TTF2: variants seen among roughly 807,000 people sequenced by gnomAD.
The protein encoded by TTF2 is RNA polymerase II termination factor.
In TTF2, 108 loss-of-function variants were observed where a neutral mutation model predicts 142.4. The observed-to-expected ratio is 0.76, with a 90% confidence interval of 0.65 to 0.89. The LOEUF is 0.89. Among genes scored for constraint, TTF2 ranks in the 40% least tolerant of loss-of-function variants. The pLI is 0.00. For synonymous variants in TTF2, 483 were observed against 506.2 expected, an observed-to-expected ratio of 0.95 and a Z score of 0.61; for missense variants, 1,327 against 1,379.8, an observed-to-expected ratio of 0.96 and a Z score of 0.61.
rs754753570 is a variant in TTF2 at position 117,090,289 on chromosome 1, T to C, written c.2496+81T>C. On this transcript the variant is annotated intron_variant, in intron 14 of 22. Coordinates refer to ENST00000369466, the MANE Select transcript of TTF2 (RefSeq NM_003594.4). The surrounding 1 kb of genome is among the most constrained non-coding windows in gnomAD (Gnocchi z 4.8). ...CCTTGTCTTGGGTTGAACAGCCATCTGCTTTGCTTCAGGAGCCTCTGAGTT... is the reference window on the plus strand; with the variant it reads ...CCTTGTCTTGGGTTGAACAGCCATCCGCTTTGCTTCAGGAGCCTCTGAGTT... 85 of 1,541,884 alleles carry C rather than the reference T, an allele frequency of 5.5e-5. 1 individual carries two copies. The highest frequency in any genetic ancestry group is 7.3e-5 in the Non-Finnish European group (84 of 1,144,628).
At position 117,090,249 on chromosome 1, in the gene TTF2, G is replaced by C; in HGVS notation, c.2496+41G>C. The C allele has an allele frequency of 6.3e-7, 1 of 1,598,912 alleles. No individual in the cohort carries two copies. Among genetic ancestry groups the C allele is most frequent in the Non-Finnish European group, 8.5e-7 (1 of 1,172,414 alleles). On this transcript the variant is annotated intron_variant, in intron 14 of 22. Coordinates refer to ENST00000369466, the MANE Select transcript of TTF2 (RefSeq NM_003594.4). This position sits in a 1 kb window ranked among gnomAD's most constrained non-coding sequence, Gnocchi z 4.8. The stretch of plus-strand genomic sequence containing the variant: ...CCTGTCCCTGGGGGAGGCCAGGGAA[G>C]GAACATGACTGTGTCCTTGTCTTGG...
rs1648468978 is a variant in TTF2, at chr1:117,090,474, C to T, written c.2497-58C>T. The T allele has an allele frequency of 2.0e-6, 3 of 1,502,514 alleles. No homozygotes were observed. The Admixed American group carries it at 5.5e-5, about 27-fold the overall frequency. 93.1% of individuals were successfully genotyped at this position (1,502,514 alleles called of 1,614,324 possible). Reference sequence around the variant, plus strand: ...GCAGTGTCAGTATGGGGAATTTGTTCTATAATAGGCAGTTAATTTGTATAG... The same window carrying T: ...GCAGTGTCAGTATGGGGAATTTGTTTTATAATAGGCAGTTAATTTGTATAG... On this transcript the variant is annotated intron_variant, in intron 14 of 22. Transcript: ENST00000369466. This position sits in a 1 kb window ranked among gnomAD's most constrained non-coding sequence, Gnocchi z 4.8.
Position 117,086,328 on chromosome 1 carries a change from A to T in TTF2, c.2055-89A>T. On this transcript the variant is annotated intron_variant, in intron 11 of 22. Transcript: ENST00000369466. The surrounding 1 kb of genome is among the most constrained non-coding windows in gnomAD (Gnocchi z 4.2). ...TTCTGCTGTTTGTCCTTCCATTTGT[A>T]GGCATTTTTATTGAAAGATCAACTC... The T allele has an allele frequency of 1.1e-6, 1 of 878,120 alleles. No homozygotes were observed. Among genetic ancestry groups the T allele is most frequent in the Non-Finnish European group, 1.9e-6 (1 of 538,018 alleles). 54.4% of individuals were successfully genotyped at this position (878,120 alleles called of 1,614,324 possible).
chr1:117,104,258 C>T lies in TTF2; in HGVS notation c.*2734C>T, dbSNP rs192340546. 6.6e-6 allele frequency: 1 copy of T among 152,312 alleles called. No homozygotes were observed. The highest frequency in any genetic ancestry group is 1.9e-4 in the East Asian group (1 of 5,188). The allele number at this position is 152,312 out of a possible 1,614,324, so 9.4% of individuals were successfully genotyped here. The stretch of plus-strand genomic sequence containing the variant: ...TCCTTGGACATCTCAATCCTTTCAT[C>T]TGTAAAATGTGTGGATTAGCATGTA... On this transcript the variant is annotated 3_prime_UTR_variant, in exon 23 of 23. Transcript: ENST00000369466.
chr1:117,099,000 T>TCATCACCAAATACTTTAA, intron 22 of TTF2, 93 bp downstream of exon 22: 1 of 1,259,050 alleles, frequency 7.9e-7, no homozygotes, highest in Non-Finnish European at 1.1e-6. Flanking sequence ...GAATTTAAAG[T>TCATCACCAAATACTTTAA]ATTTGGTGAT....
rs370015612 is a variant in TTF2 at position 117,075,642 on chromosome 1, A to G, written c.1058A>G (p.Asp353Gly). The G allele has an allele frequency of 1.9e-6, 3 of 1,614,030 alleles. No homozygotes were observed. The highest frequency in any genetic ancestry group is 2.7e-5 in the African/African-American group (2 of 74,916). The change falls in exon 5 of 23, where the codon GAC becomes GGC. Residue 353 changes from aspartate to glycine, a missense_variant. By Grantham distance (94) the Asp-to-Gly change is moderately conservative. Transcript: ENST00000369466. This position sits in a 1 kb window ranked among gnomAD's most constrained non-coding sequence, Gnocchi z 4.5. Reference sequence around the variant, plus strand: ...CGTGAAGCTGCCACAAGCAGTGACGACGAGGAGGAAGATGATGTTGTTTTT... The same window carrying G: ...CGTGAAGCTGCCACAAGCAGTGACGGCGAGGAGGAAGATGATGTTGTTTTT... ...EGREAATSSD[D>G]EEEDDVVFVS...
chr1:117,067,524 C>CAAAAAA (rs1161287519), intron 3 of TTF2, among the ~76,000 whole-genome samples: 5 of 40,944 alleles, frequency 1.2e-4, no homozygotes, highest in African/African-American at 3.2e-4. Flanking sequence ...GACTCAGTCT[C>CAAAAAA]AAAAAAAAAA....
intron 3 of TTF2, among the ~76,000 whole-genome samples, chr1:117,068,131 C>T (rs1245413790): frequency 1.3e-5 from 2 of 152,186 alleles, no homozygotes; most frequent in Non-Finnish European, 2.9e-5. Context: ...TCACTGAGCT[C>T]CTGAGTTCAT....
chr1:117,061,592 C>T (rs1655691628), intron 2 of TTF2, among the ~76,000 whole-genome samples: 1 of 152,186 alleles, frequency 6.6e-6, no homozygotes, highest in Admixed American at 6.5e-5. Flanking sequence ...ATGATTTACA[C>T]TGAGCCTCTC....
chr1:117,084,110 A>G lies in TTF2; in HGVS notation c.1996A>G (p.Ser666Gly). Residue 666 changes from serine (S) to glycine (G), a missense_variant, in exon 11 of 23, where the codon AGC (serine) becomes GGC (glycine). Transcript: ENST00000369466. ...AAATGAGGTGGAGAAACGGGTGAAC[A>G]GCAACAAACTAAGAGTCTATCTCTA... ...WKNEVEKRVN[S>G]NKLRVYLYHG... 1 of 1,614,192 alleles carries G rather than the reference A, an allele frequency of 6.2e-7. No individual in the cohort carries two copies. Among genetic ancestry groups the G allele is most frequent in the African/African-American group, 1.3e-5 (1 of 75,050 alleles).
At chr1:117,098,807 T>A (rs200161665) in intron 21 of TTF2, 26 bp from the exon 22 acceptor site, 3 of 1,608,510 alleles carry the variant, frequency 1.9e-6, no homozygotes, top group Non-Finnish European at 1.7e-6. Context: ...TGTCAGTTCC[T>A]TTGAGCTTTA....
intron 13 of TTF2, 94 bp downstream of exon 13, chr1:117,089,076 G>A (rs1570858726): frequency 3.0e-6 from 4 of 1,346,564 alleles, no homozygotes; most frequent in Non-Finnish European, 3.0e-6. Context: ...GTATGTGCCA[G>A]ATTATCTTGT....
chr1:117,075,790 C>T lies in TTF2; in HGVS notation c.1206C>T (p.Ser402=), dbSNP rs768446856. The T allele has an allele frequency of 1.2e-6, 2 of 1,614,158 alleles. No homozygotes were observed. The highest frequency in any genetic ancestry group is 2.2e-5 in the South Asian group (2 of 91,074). ...QRKVSPASGV[S]KKVEPSDPVA... ...AGGTGTCTCCTGCCTCAGGTGTTTC[C>T]AAGAAGGTAGAACCCTCAGACCCAG... The change falls in exon 5 of 23, where the codon TCC becomes TCT. Residue 402 remains serine (S), a synonymous_variant. Transcript: ENST00000369466. The surrounding 1 kb of genome is among the most constrained non-coding windows in gnomAD (Gnocchi z 4.5).
rs1655841017 is a variant in TTF2 at position 117,063,412 on chromosome 1, C to T, written c.218+939C>T. On this transcript the variant is annotated intron_variant, in intron 3 of 22. Coordinates refer to ENST00000369466, the MANE Select transcript of TTF2 (RefSeq NM_003594.4). The surrounding 1 kb of genome is among the most constrained non-coding windows in gnomAD (Gnocchi z 4.1). ...TTAATTTCACCCCTCCCATCTCCAC[C>T]CCTGTCAGCAATCACTGTTCTGATT... Among the ~76,000 whole-genome samples, 1 of 152,174 alleles carries T rather than the reference C, an allele frequency of 6.6e-6. No individual in the cohort carries two copies. The highest frequency in any genetic ancestry group is 1.5e-5 in the Non-Finnish European group (1 of 68,040).
In TTF2 at chr1:117,075,170, C is replaced by T; in HGVS notation, c.586C>T (p.Gln196Ter). 6.2e-7 allele frequency: 1 copy of T among 1,614,072 alleles called. No individual in the cohort carries two copies. The highest frequency in any genetic ancestry group is 8.5e-7 in the Non-Finnish European group (1 of 1,180,010). Reference sequence around the variant, plus strand: ...ACAATCTGTAGTTCAAGAGAAGAAGCAAGAAGAGGGAGCAGAGATTCAGTG... The same window carrying T: ...ACAATCTGTAGTTCAAGAGAAGAAGTAAGAAGAGGGAGCAGAGATTCAGTG... ...KKQSVVQEKKQEEGAEIQCEA... is the reference protein window; with the variant it reads ...KKQSVVQEKK Residue 196 changes from glutamine to a stop codon, truncating the protein, a stop_gained, in exon 5 of 23, where the codon CAA (glutamine) becomes TAA (stop). Transcript: ENST00000369466. LOFTEE classifies it high-confidence loss of function. The surrounding 1 kb of genome is among the most constrained non-coding windows in gnomAD (Gnocchi z 4.5).
chr1:117,082,683 A>G (rs1478758098), intron 10 of TTF2, among the ~76,000 whole-genome samples: 1 of 152,164 alleles, frequency 6.6e-6, no homozygotes, highest in Non-Finnish European at 1.5e-5. Flanking sequence ...TTCTATCTTA[A>G]CATATGTTTT....
rs764995083 is a variant in TTF2 at position 117,075,571 on chromosome 1, G to A, written c.987G>A (p.Ala329=). 9.9e-6 allele frequency: 16 copies of A among 1,614,024 alleles called. 1 individual carries two copies. The East Asian group carries it at 2.0e-4, about 20-fold the overall frequency. ...GTGTGCCTGCTCCTGGAGGACCAGCGGCTCAGGCTGCACCAGCAGCACCAG... is the reference window on the plus strand; with the variant it reads ...GTGTGCCTGCTCCTGGAGGACCAGCAGCTCAGGCTGCACCAGCAGCACCAG... ...THSVPAPGGP[A]AQAAPAAPGL... is the part of the protein sequence containing the mutation. The change falls in exon 5 of 23, where the codon GCG becomes GCA. Residue 329 remains alanine, a synonymous_variant. Coordinates refer to ENST00000369466, the MANE Select transcript of TTF2 (RefSeq NM_003594.4). This position sits in a 1 kb window ranked among gnomAD's most constrained non-coding sequence, Gnocchi z 4.5.
intron 2 of TTF2, among the ~76,000 whole-genome samples, chr1:117,061,929 G>A (rs972776826): frequency 1.3e-5 from 2 of 152,132 alleles, no homozygotes; most frequent in Non-Finnish European, 2.9e-5. Flanking sequence ...ATAATAAGTT[G>A]GAAGGGAGTG....
chr1:117,072,426 T>TC (rs1347889423), intron 3 of TTF2, among the ~76,000 whole-genome samples: 1 of 144,902 alleles, frequency 6.9e-6, no homozygotes, highest in Non-Finnish European at 1.5e-5. Context: ...TACGGACTTT[T>TC]TTTTTTTTTT....
Sources: allele counts gnomAD v4.1 joint callset (sites outside exome capture counted in the v4.1 genomes callset), GRCh38; gene constraint gnomAD v4.1.1; non-coding constraint Gnocchi (gnomAD v3.1); transcripts MANE v1.5; gene names NCBI Gene and HGNC (gene_info 2026-07-23, HGNC 2026-07-21).